Variants in DCDC1 observed in about 807,000 individuals in gnomAD.
DCDC1 encodes doublecortin domain-containing protein 1.
In DCDC1, 200 loss-of-function variants were observed where a neutral mutation model predicts 178.3. The observed-to-expected ratio is 1.12, with a 90% CI of 1.00 to 1.26. The LOEUF (loss-of-function observed/expected upper bound fraction) is 1.26. DCDC1 is among the 50% of genes most tolerant of loss of function. The probability of loss-of-function intolerance (pLI) is 0.00; values close to 1 mark genes in which losing one functional copy is unlikely to be tolerated. For missense variants in DCDC1, 1,983 were observed against 1,749.2 expected (o/e 1.13, Z -2.38); for synonymous variants, 690 against 604.8 (o/e 1.14, Z -2.07).
rs189149873 is a variant in DCDC1, at chr11:31,143,102, G to C, written c.1222-5318C>G. On this transcript the variant is annotated intron_variant, in intron 9 of 38. Transcript: ENST00000684477. ...AGACAATTAAAAAACAATAGGAAGT[G>C]AGAAACAATATATGACACAAGGCAC... Among the ~76,000 whole-genome samples, 99 of 152,172 alleles carry C rather than the reference G, an allele frequency of 6.5e-4. 1 individual carries two copies. The East Asian group carries it at 0.016, about 24-fold the overall frequency.
chr11:30,884,714 A>G (rs1172682447), intron 36 of DCDC1, among the ~76,000 whole-genome samples: 1 of 152,090 alleles, frequency 6.6e-6, no homozygotes, highest in Non-Finnish European at 1.5e-5. Context: ...AAAAAACTAT[A>G]AAATTTTGCT....
intron 17 of DCDC1, among the ~76,000 whole-genome samples, chr11:31,081,835 C>T (rs1381041663): frequency 2.0e-5 from 3 of 151,856 alleles, no homozygotes; most frequent in Admixed American, 6.6e-5. Flanking sequence ...TAAATTTTAC[C>T]GAAGTTGTAA....
At chr11:30,901,262 G>A (rs1944649959) in intron 32 of DCDC1, among the ~76,000 whole-genome samples, 1 of 152,124 alleles carries the variant, frequency 6.6e-6, no homozygotes, top group African/African-American at 2.4e-5. Flanking sequence ...TATATATTGA[G>A]AAGTTACTAT....
At chr11:31,114,881 C>G (rs1034133683) in intron 11 of DCDC1, among the ~76,000 whole-genome samples, 3 of 152,130 alleles carry the variant, frequency 2.0e-5, no homozygotes, top group African/African-American at 7.2e-5. Context: ...CCAGGGTTAA[C>G]AGTGGCTCAA....
At chr11:31,364,216 G>T (rs1951844073) in intron 1 of DCDC1, among the ~76,000 whole-genome samples, 1 of 152,160 alleles carries the variant, frequency 6.6e-6, no homozygotes, top group African/African-American at 2.4e-5. Flanking sequence ...CTTAAAATGG[G>T]CTTATCAGAG....
intron 20 of DCDC1, among the ~76,000 whole-genome samples, chr11:30,990,918 T>C (rs1950940838): frequency 1.3e-5 from 2 of 152,190 alleles, no homozygotes; most frequent in African/African-American, 4.8e-5. Context: ...TCCAGGCCAG[T>C]AGCCTTGAAA....
Position 31,290,937 on chromosome 11 carries a change from G to A in DCDC1, c.755-85C>T, listed in dbSNP as rs555544870. 20 of 1,219,810 alleles carry A rather than the reference G, an allele frequency of 1.6e-5. No homozygotes were observed. In the African/African-American group the frequency reaches 3.0e-4, roughly 18 times the overall value. The allele number at this position is 1,219,810 out of a possible 1,614,324, so 75.6% of individuals were successfully genotyped here. ...TCATACTTCCCTCCCTCTATTACCT[G>A]TGTATTATACACTGGCCAGTCTCCA... On this transcript the variant is annotated intron_variant, in intron 6 of 38. Transcript: ENST00000684477.
At chr11:31,241,911 C>T (rs1367536607) in intron 8 of DCDC1, among the ~76,000 whole-genome samples, 2 of 151,954 alleles carry the variant, frequency 1.3e-5, no homozygotes, top group Non-Finnish European at 2.9e-5. Context: ...GCCTTATCTT[C>T]TCATTTATCA....
At chr11:30,901,534 A>G (rs1314544481) in intron 32 of DCDC1, among the ~76,000 whole-genome samples, 1 of 152,108 alleles carries the variant, frequency 6.6e-6, no homozygotes, top group Non-Finnish European at 1.5e-5. Context: ...AAGTTCCTTA[A>G]TGCAAACTGA....
At chr11:30,994,684 A>G (rs1951160583) in intron 20 of DCDC1, among the ~76,000 whole-genome samples, 1 of 145,412 alleles carries the variant, frequency 6.9e-6, no homozygotes, top group African/African-American at 2.5e-5. Flanking sequence ...AATATATAAC[A>G]TATTATTGTT....
At chr11:31,309,885 G>T (rs1308697169) in intron 3 of DCDC1, among the ~76,000 whole-genome samples, 1 of 151,966 alleles carries the variant, frequency 6.6e-6, no homozygotes, top group Non-Finnish European at 1.5e-5. Context: ...GTTGCTCTAT[G>T]CTCTGTATGG....
At chr11:31,261,763 T>C (rs571377568) in intron 8 of DCDC1, among the ~76,000 whole-genome samples, 1 of 152,284 alleles carries the variant, frequency 6.6e-6, no homozygotes, top group South Asian at 2.1e-4. Context: ...TGACCATCTG[T>C]AGGAATATGG....
intron 8 of DCDC1, among the ~76,000 whole-genome samples, chr11:31,244,941 C>G (rs559464944): frequency 1.3e-5 from 2 of 151,828 alleles, no homozygotes; most frequent in East Asian, 3.9e-4. Flanking sequence ...CTGGACAGAG[C>G]TGGTAGTGAG....
chr11:30,869,164 C>T (rs1458933439), intron 38 of DCDC1, among the ~76,000 whole-genome samples: 1 of 152,224 alleles, frequency 6.6e-6, no homozygotes, highest in East Asian at 1.9e-4. Context: ...TTGAAAGGTA[C>T]AGTTGGCAAA....
In DCDC1 at chr11:31,109,067, A is replaced by T. The variant is rs75891791; in HGVS notation, c.1587+1193T>A. On this transcript the variant is annotated intron_variant, in intron 12 of 38. Coordinates refer to ENST00000684477, the MANE Select transcript of DCDC1 (RefSeq NM_001387274.1). ...GCATACAGAAGCACAGCACAGCTCAATTTCAGTGTGCTATAAGTCAACACA... is the reference window on the plus strand; with the variant it reads ...GCATACAGAAGCACAGCACAGCTCATTTTCAGTGTGCTATAAGTCAACACA... 7.8e-3 allele frequency among the ~76,000 whole-genome samples: 1,189 copies of T among 152,118 alleles called. 15 individuals carry two copies. Among genetic ancestry groups the T allele is most frequent in the African/African-American group, 0.027 (1,130 of 41,492 alleles).
chr11:31,150,788 T>C (rs541469356), intron 9 of DCDC1, among the ~76,000 whole-genome samples: 1 of 152,162 alleles, frequency 6.6e-6, no homozygotes, highest in Non-Finnish European at 1.5e-5. Flanking sequence ...TCAAATATAA[T>C]TCAAAAAAAC....
At chr11:30,932,022 A>G in intron 21 of DCDC1, 70 bp from the exon 22 acceptor site, 1 of 1,423,488 alleles carries the variant, frequency 7.0e-7, no homozygotes, top group Non-Finnish European at 9.3e-7. Flanking sequence ...TTTTAAAAAT[A>G]TTAAACACAG....
At chr11:31,098,834 G>C (rs1958318862) in intron 15 of DCDC1, among the ~76,000 whole-genome samples, 1 of 152,132 alleles carries the variant, frequency 6.6e-6, no homozygotes, top group African/African-American at 2.4e-5. Flanking sequence ...TGGAAGAGCT[G>C]TTTGTCTTTG....
At chr11:31,025,968 C>A (rs1025564060) in intron 20 of DCDC1, among the ~76,000 whole-genome samples, 1 of 151,750 alleles carries the variant, frequency 6.6e-6, no homozygotes, top group Non-Finnish European at 1.5e-5. Flanking sequence ...AGAATTGAAG[C>A]TTTTTAGCTG....
Sources: allele counts gnomAD v4.1 joint callset (sites outside exome capture counted in the v4.1 genomes callset), GRCh38; gene constraint gnomAD v4.1.1; transcripts MANE v1.5; gene names NCBI Gene and HGNC (gene_info 2026-07-23, HGNC 2026-07-21).